Variants in CFAP263 observed in about 807,000 individuals in gnomAD.
CFAP263 encodes cilia and flagella associated protein 263.
chr16:58,278,042 C>G, the CFAP263 span, among the ~76,000 whole-genome samples: 1 of 151,916 alleles, frequency 6.6e-6, no homozygotes, highest in Non-Finnish European at 1.5e-5. Context: ...CTTAATGCCA[C>G]AGAACTGTAT....
the CFAP263 span, chr16:58,254,134 C>T: frequency 8.9e-5 from 143 of 1,614,088 alleles, no homozygotes; most frequent in East Asian, 1.8e-4. Context: ...AGGGCAAATG[C>T]GGAACGCGAC....
chr16:58,264,490 G>T, the CFAP263 span, among the ~76,000 whole-genome samples: 1 of 152,186 alleles, frequency 6.6e-6, no homozygotes, highest in Non-Finnish European at 1.5e-5. Context: ...GGAAATGGAG[G>T]CAGAACAACT....
chr16:58,267,674 C>T, the CFAP263 span: 6 of 782,932 alleles, frequency 7.7e-6, no homozygotes, highest in Non-Finnish European at 1.3e-5. Context: ...ATCTAAGCCA[C>T]CTTGCTGGTT....
chr16:58,250,020 T>C, the CFAP263 span: 1 of 1,589,676 alleles, frequency 6.3e-7, no homozygotes, highest in Non-Finnish European at 8.6e-7. Flanking sequence ...GAGTGATGAC[T>C]GATGATGAGT....
chr16:58,266,148 C>T, the CFAP263 span, among the ~76,000 whole-genome samples: 2 of 151,898 alleles, frequency 1.3e-5, no homozygotes, highest in African/African-American at 4.8e-5. Context: ...CCCTGGGTGC[C>T]AGAAGTTCCC....
chr16:58,263,460 C>G, the CFAP263 span, among the ~76,000 whole-genome samples: 1 of 152,128 alleles, frequency 6.6e-6, no homozygotes, highest in Non-Finnish European at 1.5e-5. Flanking sequence ...AATTTTGCTT[C>G]TGGGCTTGCA....
At chr16:58,256,529 G>C in the CFAP263 span, among the ~76,000 whole-genome samples, 2 of 152,208 alleles carry the variant, frequency 1.3e-5, no homozygotes, top group Non-Finnish European at 2.9e-5. Flanking sequence ...GATTAGAGAA[G>C]ACGCTACTTT....
the CFAP263 span, among the ~76,000 whole-genome samples, chr16:58,251,834 G>A: frequency 3.9e-5 from 6 of 152,160 alleles, no homozygotes; most frequent in Admixed American, 3.3e-4. Context: ...ACATACATAT[G>A]TGTGTGTAAC....
chr16:58,261,904 G>A, the CFAP263 span, among the ~76,000 whole-genome samples: 2 of 152,094 alleles, frequency 1.3e-5, no homozygotes, highest in East Asian at 3.8e-4. Context: ...ATCAAAGGAG[G>A]GGGAAATCGG....
the CFAP263 span, chr16:58,281,363 G>C: frequency 6.4e-6 from 1 of 156,054 alleles, no homozygotes; most frequent in Non-Finnish European, 1.4e-5. Flanking sequence ...TGGGAACACA[G>C]TTAATGCCTG....
chr16:58,282,605 T>A, the CFAP263 span: 1 of 152,222 alleles, frequency 6.6e-6, no homozygotes, highest in Non-Finnish European at 1.5e-5. Context: ...AGGCCAGACA[T>A]GTGAGGAAGG....
At chr16:58,278,450 TC>T in the CFAP263 span, 4 of 1,605,566 alleles carry the variant, frequency 2.5e-6, no homozygotes, top group Non-Finnish European at 3.4e-6. Context: ...CTGCTGGGGT[TC>T]CCTGGGTGTA....
At chr16:58,263,484 T>G in the CFAP263 span, among the ~76,000 whole-genome samples, 1 of 152,166 alleles carries the variant, frequency 6.6e-6, no homozygotes, top group Non-Finnish European at 1.5e-5. Context: ...CCTAAAATAT[T>G]TACTATCTGG....
the CFAP263 span, among the ~76,000 whole-genome samples, chr16:58,273,465 A>G: frequency 2.0e-5 from 3 of 152,126 alleles, no homozygotes; most frequent in Admixed American, 2.0e-4. Context: ...TCTGCTGTCA[A>G]TCTCCTGTGG....
chr16:58,267,049 A>G, the CFAP263 span, among the ~76,000 whole-genome samples: 1 of 152,156 alleles, frequency 6.6e-6, no homozygotes, highest in Non-Finnish European at 1.5e-5. Context: ...AGTATTCCCC[A>G]CGCTCCATCC....
At chr16:58,275,528 T>C in the CFAP263 span, among the ~76,000 whole-genome samples, 1 of 152,102 alleles carries the variant, frequency 6.6e-6, no homozygotes, top group Admixed American at 6.5e-5. Flanking sequence ...AATGAGTAAA[T>C]GAGAGGAGTA....
chr16:58,262,791 A>ATAGATAGATAGATAGATAGG, the CFAP263 span, among the ~76,000 whole-genome samples: 25 of 152,188 alleles, frequency 1.6e-4, no homozygotes, highest in South Asian at 8.3e-4. Context: ...AGATAGATAG[A>ATAGATAGATAGATAGATAGG]TAGATAGATA....
the CFAP263 span, chr16:58,259,951 C>T: frequency 1.5e-5 from 22 of 1,438,336 alleles, 1 homozygote; most frequent in South Asian, 2.1e-4. Context: ...GGTCCTTTTT[C>T]TCTCTCTCTC....
At chr16:58,271,865 G>C in the CFAP263 span, among the ~76,000 whole-genome samples, 10 of 152,076 alleles carry the variant, frequency 6.6e-5, no homozygotes, top group Non-Finnish European at 1.5e-4. Flanking sequence ...CGTACTCTTC[G>C]GAAGGAAGTC....
Sources: allele counts gnomAD v4.1 joint callset (sites outside exome capture counted in the v4.1 genomes callset), GRCh38; gene constraint gnomAD v4.1.1; transcripts MANE v1.5; gene names NCBI Gene and HGNC (gene_info 2026-07-23, HGNC 2026-07-21).